Variants in FAM110B observed in about 807,000 individuals in gnomAD.
The protein encoded by FAM110B is protein FAM110B.
Under a neutral mutation model 20.4 loss-of-function variants are expected in FAM110B, and 6 were observed. The ratio of observed to expected loss-of-function variants is 0.29; its 90% CI spans 0.16 to 0.58. The LOEUF (loss-of-function observed/expected upper bound fraction) is 0.58, where lower values mean the gene tolerates loss of function less well. Among genes scored for constraint, FAM110B ranks in the 20% least tolerant of loss-of-function variants. The probability of loss-of-function intolerance (pLI) is 0.90; values close to 1 mark genes in which losing one functional copy is unlikely to be tolerated. For synonymous variants in FAM110B, 226 were observed against 214.1 expected, an observed-to-expected ratio of 1.06 and a Z score of -0.49; for missense variants, 434 against 498.2, an observed-to-expected ratio of 0.87 and a Z score of 1.23.
At chr8:58,131,205 A>G (rs1803454691) in intron 3 of FAM110B, among the ~76,000 whole-genome samples, 1 of 152,190 alleles carries the variant, frequency 6.6e-6, no homozygotes, top group Non-Finnish European at 1.5e-5. Flanking sequence ...CCCTGTTCTC[A>G]GCATTAGTGT....
At chr8:58,067,858 A>G (rs1431317560) in intron 2 of FAM110B, among the ~76,000 whole-genome samples, 1 of 152,204 alleles carries the variant, frequency 6.6e-6, no homozygotes, top group Non-Finnish European at 1.5e-5. Flanking sequence ...CAGAGGTTGT[A>G]TACATAGGCC....
intron 3 of FAM110B, among the ~76,000 whole-genome samples, chr8:58,124,951 T>A (rs1031041866): frequency 1.3e-5 from 2 of 152,250 alleles, no homozygotes; most frequent in African/African-American, 2.4e-5. Flanking sequence ...CTGATTTTTT[T>A]AAAATCTCTT....
At position 58,054,792 on chromosome 8, in the gene FAM110B, T is replaced by A. The variant is rs548433024; in HGVS notation, c.-413-20743T>A. On this transcript the variant is annotated intron_variant, in intron 2 of 3. Transcript: ENST00000519262. ...AAAGCAAAAGACCTCTACCTGTAGA[T>A]CTTTTTTTAATGTAAGTAATCCCTG... 3.4e-3 allele frequency among the ~76,000 whole-genome samples: 517 copies of A among 152,294 alleles called. 9 individuals are homozygous for A. Among genetic ancestry groups the A allele is most frequent in the African/African-American group, 0.012 (499 of 41,556 alleles).
chr8:58,096,091 G>A (rs1309456325), intron 3 of FAM110B, among the ~76,000 whole-genome samples: 1 of 152,090 alleles, frequency 6.6e-6, no homozygotes, highest in Non-Finnish European at 1.5e-5. Flanking sequence ...CCATTTGCTT[G>A]GTAAATATTT....
chr8:58,043,170 C>T (rs558214492), intron 2 of FAM110B: 3 of 152,314 alleles, frequency 2.0e-5, no homozygotes, highest in South Asian at 4.1e-4. Context: ...AAACTGGAGT[C>T]GTTTGTCCCC....
chr8:58,112,147 G>A (rs1382668897), intron 3 of FAM110B, among the ~76,000 whole-genome samples: 4 of 152,076 alleles, frequency 2.6e-5, no homozygotes, highest in Non-Finnish European at 5.9e-5. Flanking sequence ...AACATATAGT[G>A]AAACCCTGTC....
At chr8:58,104,687 T>G (rs906615429) in intron 3 of FAM110B, among the ~76,000 whole-genome samples, 19 of 152,330 alleles carry the variant, frequency 1.2e-4, no homozygotes, top group African/African-American at 4.6e-4. Flanking sequence ...CCTTCTATGC[T>G]GTTCTTTAAA....
chr8:58,047,693 T>C (rs1353811370), intron 2 of FAM110B, among the ~76,000 whole-genome samples: 1 of 147,376 alleles, frequency 6.8e-6, no homozygotes, highest in Non-Finnish European at 1.5e-5. Flanking sequence ...ACCTATTAAA[T>C]AGGAATAGTA....
At chr8:58,097,510 G>A (rs1353154122) in intron 3 of FAM110B, among the ~76,000 whole-genome samples, 2 of 152,140 alleles carry the variant, frequency 1.3e-5, no homozygotes, top group Non-Finnish European at 2.9e-5. Flanking sequence ...GCTTGGAGGA[G>A]TTTGTTATTA....
At chr8:58,134,880 A>C (rs2150637058) in intron 3 of FAM110B, among the ~76,000 whole-genome samples, 1 of 152,338 alleles carries the variant, frequency 6.6e-6, no homozygotes, top group East Asian at 1.9e-4. Flanking sequence ...GTTTAACAAA[A>C]AATCAAGGCT....
At chr8:58,065,143 T>A (rs887741373) in intron 2 of FAM110B, among the ~76,000 whole-genome samples, 1 of 152,226 alleles carries the variant, frequency 6.6e-6, no homozygotes, top group African/African-American at 2.4e-5. Flanking sequence ...AATCTTTTTT[T>A]AAAAACAGCA....
In FAM110B at chr8:58,146,608, T is replaced by C; in HGVS notation, c.378T>C (p.Asn126=). Residue 126 remains asparagine, a synonymous_variant, in exon 4 of 4, where the codon AAT becomes AAC. Coordinates refer to ENST00000519262, the MANE Select transcript of FAM110B (RefSeq NM_001377989.1). ...LKLEILKNII[N]SSEGSSSGSG... ...TGGAGATCCTGAAGAACATCATCAATAGCTCCGAGGGCTCTAGCTCGGGCT... is the reference window on the plus strand; with the variant it reads ...TGGAGATCCTGAAGAACATCATCAACAGCTCCGAGGGCTCTAGCTCGGGCT... 3 of 1,614,002 alleles carry C rather than the reference T, an allele frequency of 1.9e-6. No homozygotes were observed. Among genetic ancestry groups the C allele is most frequent in the Non-Finnish European group, 2.5e-6 (3 of 1,179,948 alleles).
chr8:58,089,566 A>G (rs1806423108), intron 3 of FAM110B, among the ~76,000 whole-genome samples: 2 of 152,210 alleles, frequency 1.3e-5, no homozygotes, highest in African/African-American at 2.4e-5. Context: ...TGATAAATGG[A>G]TTAAGATCAA....
At chr8:58,002,972 T>G (rs901006658) in intron 1 of FAM110B, among the ~76,000 whole-genome samples, 2 of 152,218 alleles carry the variant, frequency 1.3e-5, no homozygotes, top group Non-Finnish European at 2.9e-5. Context: ...CAAAGATTTC[T>G]CTAGAGCATG....
intron 1 of FAM110B, among the ~76,000 whole-genome samples, chr8:58,022,256 T>G (rs1804771713): frequency 6.6e-6 from 1 of 152,228 alleles, no homozygotes; most frequent in Non-Finnish European, 1.5e-5. Flanking sequence ...GTGGGCATTA[T>G]GCTAAGCAAA....
At chr8:58,136,683 A>G (rs1803626523) in intron 3 of FAM110B, among the ~76,000 whole-genome samples, 1 of 152,148 alleles carries the variant, frequency 6.6e-6, no homozygotes, top group Non-Finnish European at 1.5e-5. Context: ...CACTGATGCA[A>G]GTTAGGGGCC....
At chr8:58,004,036 G>A (rs992316626) in intron 1 of FAM110B, among the ~76,000 whole-genome samples, 1 of 151,858 alleles carries the variant, frequency 6.6e-6, no homozygotes, top group Non-Finnish European at 1.5e-5. Context: ...CGGACTGGGG[G>A]ATGGGGTGGG....
At chr8:58,140,248 G>A (rs543449932) in intron 3 of FAM110B, among the ~76,000 whole-genome samples, 3 of 152,088 alleles carry the variant, frequency 2.0e-5, no homozygotes, top group Non-Finnish European at 4.4e-5. Flanking sequence ...TCAGCCCAGC[G>A]TGCCTCTTAA....
At chr8:58,068,478 G>T (rs1420329393) in intron 2 of FAM110B, among the ~76,000 whole-genome samples, 1 of 152,160 alleles carries the variant, frequency 6.6e-6, no homozygotes, top group African/African-American at 2.4e-5. Context: ...AAAGATTGGA[G>T]GATGAAATGC....
Sources: gnomAD v4.1 joint callset for allele counts (sites outside exome capture counted in the v4.1 genomes callset) on GRCh38, gnomAD v4.1.1 for gene constraint, MANE v1.5 for transcripts, NCBI Gene and HGNC (gene_info 2026-07-23, HGNC 2026-07-21) for gene names.